ZMYND19: variants seen among roughly 807,000 people sequenced by gnomAD.
The protein encoded by ZMYND19 is zinc finger MYND domain-containing protein 19.
A neutral mutation model predicts 32.0 loss-of-function variants in ZMYND19; 17 were observed. The ratio of observed to expected loss-of-function variants is 0.53; its 90% CI spans 0.36 to 0.80. The LOEUF is 0.80. ZMYND19 is among the 30% of genes least tolerant of loss of function. The probability of loss-of-function intolerance (pLI) is 0.00; values close to 1 mark genes in which losing one functional copy is unlikely to be tolerated. For missense variants in ZMYND19, 250 were observed against 293.6 expected (o/e 0.85, Z 1.09); for synonymous variants, 124 against 113.6 (o/e 1.09, Z -0.58).
In ZMYND19 at chr9:137,590,273, T is replaced by C. The variant is rs1474370614; in HGVS notation, c.-10A>G. ...ATTTGAAGTCGGTCATGGCCGGGCC[T>C]GCGCTCTCGGCCGGCAGCGCCGCTC... On this transcript the variant is annotated 5_prime_UTR_variant, in exon 1 of 6. Transcript: ENST00000298585. The surrounding 1 kb of genome is among the most constrained non-coding windows in gnomAD (Gnocchi z 4.2). 9.2e-7 allele frequency: 1 copy of C among 1,088,926 alleles called. No individual in the cohort carries two copies. 67.5% of individuals were successfully genotyped at this position (1,088,926 alleles called of 1,614,324 possible).
chr9:137,582,887 G>A, intron 5 of ZMYND19, 96 bp downstream of exon 5: 2 of 1,549,894 alleles, frequency 1.3e-6, no homozygotes, highest in Admixed American at 1.8e-5. Flanking sequence ...GCGGTCTCTG[G>A]GGAATGGGAC....
chr9:137,585,590 G>C (rs145129732), intron 4 of ZMYND19, among the ~76,000 whole-genome samples: 1 of 152,106 alleles, frequency 6.6e-6, no homozygotes, highest in Non-Finnish European at 1.5e-5. Context: ...TTCAGGCTCT[G>C]CCTTCGTCCT....
chr9:137,588,824 T>G, intron 1 of ZMYND19, 106 bp from the exon 2 acceptor site: 1 of 1,354,904 alleles, frequency 7.4e-7, no homozygotes, highest in South Asian at 1.2e-5. Flanking sequence ...TCCTGTGAAG[T>G]GGAAAGTAAC....
At position 137,586,715 on chromosome 9, in the gene ZMYND19, C is replaced by T. The variant is rs151317161; in HGVS notation, c.359+252G>A. Among the ~76,000 whole-genome samples, 280 of 152,322 alleles carry T rather than the reference C, an allele frequency of 1.8e-3. 1 individual carries two copies. Among genetic ancestry groups the T allele is most frequent in the Admixed American group, 4.6e-3 (71 of 15,304 alleles). Reference sequence around the variant, plus strand: ...GCAGCCCTTCTCCCCACTGTCATGCCAGCTAAAGGGAGGTTCCCAGAGCCA... The same window carrying T: ...GCAGCCCTTCTCCCCACTGTCATGCTAGCTAAAGGGAGGTTCCCAGAGCCA... On this transcript the variant is annotated intron_variant, in intron 4 of 5. Transcript: ENST00000298585.
intron 1 of ZMYND19, 139 bp from the exon 2 acceptor site, chr9:137,588,857 C>A: frequency 1.2e-6 from 1 of 864,966 alleles, no homozygotes; most frequent in Non-Finnish European, 1.9e-6. Flanking sequence ...CAGACCAAGA[C>A]AGCTCAGCAC....
Position 137,590,079 on chromosome 9 carries a change from C to G in ZMYND19, c.51+134G>C. 1.0e-6 allele frequency: 1 copy of G among 983,412 alleles called. No individual in the cohort carries two copies. The allele number at this position is 983,412 out of a possible 1,614,324, so 60.9% of individuals were successfully genotyped here. The stretch of plus-strand genomic sequence containing the variant: ...GGGGCCAGCAGCCGGGCCCGCGCAG[C>G]GTCCCCCGCCCCGCTGGGGCCCATC... On this transcript the variant is annotated intron_variant, in intron 1 of 5. Coordinates refer to ENST00000298585, the MANE Select transcript of ZMYND19 (RefSeq NM_138462.3). The surrounding 1 kb of genome is among the most constrained non-coding windows in gnomAD (Gnocchi z 4.2).
chr9:137,585,268 C>T (rs2133298522), intron 4 of ZMYND19, among the ~76,000 whole-genome samples: 1 of 151,588 alleles, frequency 6.6e-6, no homozygotes, highest in South Asian at 2.1e-4. Context: ...ACTAAAAATA[C>T]AAAAATTAGC....
chr9:137,587,685 G>GC (rs1352933636), intron 3 of ZMYND19, 32 bp downstream of exon 3: 1 of 1,598,826 alleles, frequency 6.3e-7, no homozygotes, highest in Admixed American at 1.7e-5. Flanking sequence ...GAGCCCAGTG[G>GC]CGGGGGGCAG....
Position 137,590,213 on chromosome 9 carries a change from C to T in ZMYND19, c.51G>A (p.Lys17=). ...GIVRLGRVAG[K]TKYTLIDEQD... Reference sequence around the variant, plus strand: ...GGGTCGCGGGCTCCGCGCCGCTCACCTTCCCGGCCACCCGGCCGAGCCGCA... The same window carrying T: ...GGGTCGCGGGCTCCGCGCCGCTCACTTTCCCGGCCACCCGGCCGAGCCGCA... The change falls in exon 1 of 6, where the codon AAG becomes AAA. Residue 17 remains lysine, a splice_region_variant and synonymous_variant. Coordinates refer to ENST00000298585, the MANE Select transcript of ZMYND19 (RefSeq NM_138462.3). The surrounding 1 kb of genome is among the most constrained non-coding windows in gnomAD (Gnocchi z 4.2). The T allele has an allele frequency of 8.8e-7, 1 of 1,130,750 alleles. No homozygotes were observed. Among genetic ancestry groups the T allele is most frequent in the Non-Finnish European group, 1.1e-6 (1 of 909,798 alleles). 70.0% of individuals were successfully genotyped at this position (1,130,750 alleles called of 1,614,324 possible).
chr9:137,587,861 C>G (rs1230441393), intron 2 of ZMYND19, 38 bp from the exon 3 acceptor site: 1 of 1,588,916 alleles, frequency 6.3e-7, no homozygotes, highest in African/African-American at 1.3e-5. Flanking sequence ...TAAAAAACCT[C>G]CAATTCTCAG....
chr9:137,586,655 C>T (rs556808332), intron 4 of ZMYND19, among the ~76,000 whole-genome samples: 19 of 152,328 alleles, frequency 1.2e-4, no homozygotes, highest in East Asian at 1.9e-4. Context: ...GCCCTGCTCA[C>T]ACCGAGTCCC....
chr9:137,584,307 G>A (rs970534017), intron 4 of ZMYND19, among the ~76,000 whole-genome samples: 1 of 152,260 alleles, frequency 6.6e-6, no homozygotes, highest in Non-Finnish European at 1.5e-5. Flanking sequence ...AGCAGCCCCA[G>A]CGCAACTCGT....
intron 4 of ZMYND19, among the ~76,000 whole-genome samples, chr9:137,584,577 C>T (rs555027109): frequency 9.9e-4 from 151 of 152,312 alleles, no homozygotes; most frequent in East Asian, 5.0e-3. Context: ...TGGTGAGCAG[C>T]GGGCGAACTT....
rs1842255066 is a variant in ZMYND19, at chr9:137,590,079, C to A, written c.51+134G>T. 1 of 983,304 alleles carries A rather than the reference C, an allele frequency of 1.0e-6. No individual in the cohort carries two copies. The highest frequency in any genetic ancestry group is 6.2e-5 in the Admixed American group (1 of 16,048). The allele number at this position is 983,304 out of a possible 1,614,324, so 60.9% of individuals were successfully genotyped here. A position where few individuals can be genotyped will look rare whatever the true frequency, so the allele number is the denominator to read the frequency against. ...GGGGCCAGCAGCCGGGCCCGCGCAGCGTCCCCCGCCCCGCTGGGGCCCATC... is the reference window on the plus strand; with the variant it reads ...GGGGCCAGCAGCCGGGCCCGCGCAGAGTCCCCCGCCCCGCTGGGGCCCATC... On this transcript the variant is annotated intron_variant, in intron 1 of 5. Transcript: ENST00000298585. This position sits in a 1 kb window ranked among gnomAD's most constrained non-coding sequence, Gnocchi z 4.2.
rs368862467 is a variant in ZMYND19 at position 137,585,560 on chromosome 9, CCAA to C, written c.359+1404_359+1406del. Among the ~76,000 whole-genome samples, 35 of 152,156 alleles carry C rather than the reference CCAA, an allele frequency of 2.3e-4. No homozygotes were observed. The East Asian group carries it at 6.8e-3, about 29-fold the overall frequency. Reference sequence around the variant, plus strand: ...AGAGCAGGGAAAAAAAAACACCAGCCCAACAAGAACGAAAGACACTTCAGGCTC... The same window carrying C: ...AGAGCAGGGAAAAAAAAACACCAGCCCAAGAACGAAAGACACTTCAGGCTC... On this transcript the variant is annotated intron_variant, in intron 4 of 5. Coordinates refer to ENST00000298585, the MANE Select transcript of ZMYND19 (RefSeq NM_138462.3).
chr9:137,588,911 A>C, intron 1 of ZMYND19, 193 bp from the exon 2 acceptor site: 1 of 595,238 alleles, frequency 1.7e-6, no homozygotes. Flanking sequence ...AGTCTACGAC[A>C]AAACACAGGC....
At chr9:137,586,765 C>T (rs1842209603) in intron 4 of ZMYND19, among the ~76,000 whole-genome samples, 1 of 152,246 alleles carries the variant, frequency 6.6e-6, no homozygotes, top group Non-Finnish European at 1.5e-5. Context: ...AATGCAAAAA[C>T]ACACACCATC....
At position 137,590,077 on chromosome 9, in the gene ZMYND19, A is replaced by G. The variant is rs1203815730; in HGVS notation, c.51+136T>C. On this transcript the variant is annotated intron_variant, in intron 1 of 5. Transcript: ENST00000298585. The surrounding 1 kb of genome is among the most constrained non-coding windows in gnomAD (Gnocchi z 4.2). Reference sequence around the variant, plus strand: ...GCGGGGCCAGCAGCCGGGCCCGCGCAGCGTCCCCCGCCCCGCTGGGGCCCA... The same window carrying G: ...GCGGGGCCAGCAGCCGGGCCCGCGCGGCGTCCCCCGCCCCGCTGGGGCCCA... 1.0e-6 allele frequency: 1 copy of G among 983,140 alleles called. No homozygotes were observed. Among genetic ancestry groups the G allele is most frequent in the Non-Finnish European group, 1.2e-6 (1 of 829,140 alleles). 60.9% of individuals were successfully genotyped at this position (983,140 alleles called of 1,614,324 possible).
At chr9:137,585,177 C>T (rs1189395019) in intron 4 of ZMYND19, among the ~76,000 whole-genome samples, 1 of 151,960 alleles carries the variant, frequency 6.6e-6, no homozygotes, top group Non-Finnish European at 1.5e-5. Flanking sequence ...AATCCCAGCA[C>T]TTTGGGAGGC....
Sources: allele counts gnomAD v4.1 joint callset (sites outside exome capture counted in the v4.1 genomes callset), GRCh38; gene constraint gnomAD v4.1.1; non-coding constraint Gnocchi (gnomAD v3.1); transcripts MANE v1.5; gene names NCBI Gene and HGNC (gene_info 2026-07-23, HGNC 2026-07-21).